TSPAN18: variants seen among roughly 807,000 people sequenced by gnomAD.
TSPAN18 encodes tetraspanin-18.
A neutral mutation model predicts 27.3 loss-of-function variants in TSPAN18; 14 were observed. The ratio of observed to expected loss-of-function variants is 0.51; its 90% CI spans 0.34 to 0.80. TSPAN18 has a LOEUF of 0.80. TSPAN18 is among the 30% of genes least tolerant of loss of function. TSPAN18 has a pLI of 0.01. For synonymous variants in TSPAN18, 143 were observed against 136.5 expected, an observed-to-expected ratio of 1.05 and a Z score of -0.33; for missense variants, 268 against 323.9, an observed-to-expected ratio of 0.83 and a Z score of 1.32.
At chr11:44,899,921 A>C (rs1371057594) in intron 3 of TSPAN18, among the ~76,000 whole-genome samples, 2 of 152,214 alleles carry the variant, frequency 1.3e-5, no homozygotes, top group Non-Finnish European at 2.9e-5. Flanking sequence ...CATGTCCCAC[A>C]GCAGACAGGC....
intron 2 of TSPAN18, among the ~76,000 whole-genome samples, chr11:44,852,630 G>C (rs1320025593): frequency 2.0e-5 from 3 of 152,236 alleles, no homozygotes; most frequent in African/African-American, 4.8e-5. Context: ...TCTCTCTCCA[G>C]TGTGTGCCAC....
Position 44,908,769 on chromosome 11 carries a change from GAGAAAGAAAGAAAGAAAGAAAGAA to G in TSPAN18, c.64-898_64-875del, listed in dbSNP as rs370907948. Among the ~76,000 whole-genome samples the G allele has an allele frequency of 9.8e-5, 7 of 71,700 alleles. 1 individual carries two copies. The highest frequency in any genetic ancestry group is 8.7e-4 in the East Asian group (2 of 2,296). The allele number at this position is 71,700 out of a possible 152,430, so 47.0% of individuals were successfully genotyped here. On this transcript the variant is annotated intron_variant, in intron 4 of 9. Coordinates refer to ENST00000520358, the MANE Select transcript of TSPAN18 (RefSeq NM_130783.5). ...AAGAGAGAGAGAGAGAGAGAGAAAG[GAGAAAGAAAGAAAGAAAGAAAGAA>G]AGAAAGAAAGAAAGAAAGAAAGAAA...
chr11:44,905,323 C>T (rs934000382), intron 3 of TSPAN18, among the ~76,000 whole-genome samples: 3 of 152,178 alleles, frequency 2.0e-5, no homozygotes, highest in African/African-American at 7.2e-5. Flanking sequence ...GAACCCTTTG[C>T]ACTGAGTCCT....
intron 2 of TSPAN18, among the ~76,000 whole-genome samples, chr11:44,807,623 G>A (rs1229831030): frequency 6.6e-6 from 1 of 152,020 alleles, no homozygotes; most frequent in Non-Finnish European, 1.5e-5. Flanking sequence ...GTATTCAGTG[G>A]GTGTGGGTAT....
At chr11:44,896,102 G>A (rs969835437) in intron 3 of TSPAN18, among the ~76,000 whole-genome samples, 4 of 152,126 alleles carry the variant, frequency 2.6e-5, no homozygotes, top group Non-Finnish European at 4.4e-5. Context: ...TCAGTGGATG[G>A]TAGATGGCTG....
intron 2 of TSPAN18, among the ~76,000 whole-genome samples, chr11:44,851,370 A>G (rs1217137472): frequency 1.3e-5 from 2 of 152,114 alleles, no homozygotes; most frequent in African/African-American, 4.8e-5. Context: ...AGGCCTGTGT[A>G]CTTTCTTTGT....
intron 3 of TSPAN18, among the ~76,000 whole-genome samples, chr11:44,889,543 C>T (rs1003807164): frequency 2.0e-5 from 3 of 152,224 alleles, no homozygotes; most frequent in African/African-American, 7.2e-5. Context: ...TGGCATCAAC[C>T]ATCCAGTTTG....
chr11:44,801,376 G>T (rs548497893), intron 2 of TSPAN18, among the ~76,000 whole-genome samples: 12 of 152,246 alleles, frequency 7.9e-5, no homozygotes, highest in African/African-American at 2.4e-4. Flanking sequence ...TTTCTTATCT[G>T]TCCCTGTCTG....
rs139335963 is a variant in TSPAN18, at chr11:44,743,950, ATATTT to A, written c.-240+16671_-240+16675del. On this transcript the variant is annotated intron_variant, in intron 1 of 9. Transcript: ENST00000520358. Reference sequence around the variant, plus strand: ...TTTGCAGCTGTTAGGGAATTTTTAGATATTTTATTTTAGTTATTTTTGTTTTTTAA... The same window carrying A: ...TTTGCAGCTGTTAGGGAATTTTTAGATATTTTAGTTATTTTTGTTTTTTAA... Among the ~76,000 whole-genome samples, 1,212 of 152,276 alleles carry A rather than the reference ATATTT, an allele frequency of 8.0e-3. 17 individuals are homozygous for A. The highest frequency in any genetic ancestry group is 0.028 in the African/African-American group (1,171 of 41,562).
At chr11:44,862,153 G>A (rs1221995081) in intron 3 of TSPAN18, among the ~76,000 whole-genome samples, 1 of 152,198 alleles carries the variant, frequency 6.6e-6, no homozygotes, top group Non-Finnish European at 1.5e-5. Context: ...GGGAGCAGAG[G>A]GGGACGGGCA....
intron 2 of TSPAN18, among the ~76,000 whole-genome samples, chr11:44,805,919 G>T (rs1305735240): frequency 1.3e-5 from 2 of 151,998 alleles, no homozygotes; most frequent in African/African-American, 4.8e-5. Context: ...ATTGAATTTA[G>T]TACCTACTCT....
intron 2 of TSPAN18, among the ~76,000 whole-genome samples, chr11:44,823,146 G>T (rs564141475): frequency 4.9e-4 from 75 of 152,122 alleles, no homozygotes; most frequent in Non-Finnish European, 7.9e-4. Flanking sequence ...GGACCTCCAC[G>T]GCCGGCAACG....
chr11:44,848,958 C>T (rs1318400747), intron 2 of TSPAN18, among the ~76,000 whole-genome samples: 2 of 152,236 alleles, frequency 1.3e-5, no homozygotes, highest in African/African-American at 4.8e-5. Context: ...AGTCCAAGTG[C>T]AGCCATGTAG....
intron 1 of TSPAN18, among the ~76,000 whole-genome samples, chr11:44,729,663 T>C (rs1188034175): frequency 2.0e-5 from 3 of 152,192 alleles, no homozygotes; most frequent in Admixed American, 6.5e-5. Context: ...TAGCACATCA[T>C]TGAAAGCTCC....
rs146077992 is a variant in TSPAN18 at position 44,905,433 on chromosome 11, G to A, written c.-10-974G>A. Among the ~76,000 whole-genome samples the A allele has an allele frequency of 1.2e-4, 19 of 152,266 alleles. No homozygotes were observed. The East Asian group carries it at 3.3e-3, about 26-fold the overall frequency. On this transcript the variant is annotated intron_variant, in intron 3 of 9. Coordinates refer to ENST00000520358, the MANE Select transcript of TSPAN18 (RefSeq NM_130783.5). The stretch of plus-strand genomic sequence containing the variant: ...TTCCCCTTACTAGCTGTGGGACATC[G>A]GACATGTCGTTTTCATTCTGAGTCT...
At chr11:44,733,193 C>T (rs565888393) in intron 1 of TSPAN18, among the ~76,000 whole-genome samples, 3 of 152,184 alleles carry the variant, frequency 2.0e-5, no homozygotes, top group Admixed American at 6.5e-5. Context: ...TAAGTCTCTG[C>T]ATTTACATTT....
intron 1 of TSPAN18, among the ~76,000 whole-genome samples, chr11:44,743,828 A>T (rs757663966): frequency 3.9e-5 from 6 of 152,222 alleles, no homozygotes; most frequent in Non-Finnish European, 8.8e-5. Context: ...TCAGAGATGA[A>T]GATAAAACTG....
At chr11:44,768,111 T>G (rs1444044379) in intron 2 of TSPAN18, among the ~76,000 whole-genome samples, 1 of 152,248 alleles carries the variant, frequency 6.6e-6, no homozygotes, top group African/African-American at 2.4e-5. Context: ...AAATAAACCT[T>G]AGAATCAGTT....
At chr11:44,871,787 C>A (rs576859315) in intron 3 of TSPAN18, among the ~76,000 whole-genome samples, 1 of 152,336 alleles carries the variant, frequency 6.6e-6, no homozygotes, top group South Asian at 2.1e-4. Flanking sequence ...GCCTGCACAC[C>A]TGCCTCAGGG....
Sources: allele counts gnomAD v4.1 joint callset (sites outside exome capture counted in the v4.1 genomes callset), GRCh38; gene constraint gnomAD v4.1.1; transcripts MANE v1.5; gene names NCBI Gene and HGNC (gene_info 2026-07-23, HGNC 2026-07-21).